Variants in KIF16B observed in about 807,000 individuals in gnomAD.
KIF16B encodes kinesin-like protein KIF16B.
A neutral mutation model predicts 156.3 loss-of-function variants in KIF16B; 98 were observed. The observed-to-expected ratio is 0.63, with a 90% CI of 0.53 to 0.74. The LOEUF (loss-of-function observed/expected upper bound fraction) is 0.74, where lower values mean the gene tolerates loss of function less well. Among genes scored for constraint, KIF16B ranks in the 30% least tolerant of loss-of-function variants. The pLI, the probability that KIF16B is intolerant of heterozygous loss-of-function variation, is 0.00. For missense variants in KIF16B, 1,421 were observed against 1,606.5 expected, an observed-to-expected ratio of 0.88 and a Z score of 1.97; for synonymous variants, 564 against 583.7, an observed-to-expected ratio of 0.97 and a Z score of 0.49.
chr20:16,393,518 G>A (rs529036914), intron 17 of KIF16B, among the ~76,000 whole-genome samples: 162 of 152,254 alleles, frequency 1.1e-3, no homozygotes, highest in Non-Finnish European at 2.0e-3. Flanking sequence ...TAAGAGTCAT[G>A]GTCTGTGATA....
At chr20:16,367,868 G>A (rs1247837595) in intron 22 of KIF16B, 1 of 1,565,400 alleles carries the variant, frequency 6.4e-7, no homozygotes, top group Non-Finnish European at 8.6e-7. Flanking sequence ...ACAGTGAGCA[G>A]AAGACCCTCT....
At chr20:16,289,568 T>C (rs949407942) in intron 25 of KIF16B, among the ~76,000 whole-genome samples, 2 of 152,196 alleles carry the variant, frequency 1.3e-5, no homozygotes, top group Admixed American at 1.3e-4. Flanking sequence ...AAGAGTTGTG[T>C]TAAGGCCGGG....
At chr20:16,514,876 A>ATTCC (rs1170057852) in intron 4 of KIF16B, among the ~76,000 whole-genome samples, 1 of 120,698 alleles carries the variant, frequency 8.3e-6, no homozygotes, top group Non-Finnish European at 1.7e-5. Context: ...ACGGAGTGAG[A>ATTCC]TTCCATCTCA....
chr20:16,513,042 AC>A, intron 4 of KIF16B, 119 bp from the exon 5 acceptor site: 1 of 676,574 alleles, frequency 1.5e-6, no homozygotes, highest in Non-Finnish European at 2.6e-6. Context: ...CCCCTGGCCT[AC>A]CACAGCCCAC....
At position 16,451,079 on chromosome 20, in the gene KIF16B, C is replaced by T. The variant is rs138872450; in HGVS notation, c.1303-21097G>A. 3.9e-5 allele frequency among the ~76,000 whole-genome samples: 6 copies of T among 152,282 alleles called. No homozygotes were observed. The East Asian group carries it at 1.2e-3, about 29-fold the overall frequency. Reference sequence around the variant, plus strand: ...CTTCCACATTATATGGAAAAATAAGCTTGTCAGCACAGACTCTGCAAGCTG... The same window carrying T: ...CTTCCACATTATATGGAAAAATAAGTTTGTCAGCACAGACTCTGCAAGCTG... On this transcript the variant is annotated intron_variant, in intron 12 of 25. Coordinates refer to ENST00000354981, the MANE Select transcript of KIF16B (RefSeq NM_024704.5).
chr20:16,468,378 C>A (rs1237692068), intron 12 of KIF16B, among the ~76,000 whole-genome samples: 2 of 151,854 alleles, frequency 1.3e-5, no homozygotes, highest in African/African-American at 2.4e-5. Flanking sequence ...TCGAGACCAG[C>A]CTGGCCAACA....
At chr20:16,538,888 C>G (rs1013502644) in intron 1 of KIF16B, among the ~76,000 whole-genome samples, 3 of 152,014 alleles carry the variant, frequency 2.0e-5, no homozygotes, top group Admixed American at 2.0e-4. Flanking sequence ...TGAGATCTGG[C>G]TGTTTAAAAG....
At chr20:16,533,771 T>C (rs888292220) in intron 1 of KIF16B, among the ~76,000 whole-genome samples, 2 of 152,062 alleles carry the variant, frequency 1.3e-5, no homozygotes, top group Non-Finnish European at 2.9e-5. Flanking sequence ...CCCTTTCTCT[T>C]CCCAGACTGT....
intron 1 of KIF16B, among the ~76,000 whole-genome samples, chr20:16,535,271 C>G (rs1156582925): frequency 6.6e-6 from 1 of 152,056 alleles, no homozygotes; most frequent in Non-Finnish European, 1.5e-5. Flanking sequence ...AATAGGATTG[C>G]CTTCTTCATT....
At chr20:16,354,558 T>C (rs535591224) in intron 23 of KIF16B, among the ~76,000 whole-genome samples, 66 of 151,590 alleles carry the variant, frequency 4.4e-4, no homozygotes, top group African/African-American at 1.5e-3. Flanking sequence ...GACCAGGAGA[T>C]AGATATTAGG....
chr20:16,455,467 A>G (rs2067188930), intron 12 of KIF16B, among the ~76,000 whole-genome samples: 2 of 152,182 alleles, frequency 1.3e-5, no homozygotes, highest in South Asian at 4.1e-4. Flanking sequence ...CCTTTCAAAC[A>G]AATACTGACA....
chr20:16,516,526 A>G (rs1237719049), intron 3 of KIF16B, among the ~76,000 whole-genome samples: 3 of 152,204 alleles, frequency 2.0e-5, no homozygotes, highest in Non-Finnish European at 4.4e-5. Context: ...CCCTGCTTCA[A>G]AAAGTAGGCA....
intron 25 of KIF16B, among the ~76,000 whole-genome samples, chr20:16,294,494 C>T (rs1334846676): frequency 6.6e-6 from 1 of 152,204 alleles, no homozygotes; most frequent in Non-Finnish European, 1.5e-5. Flanking sequence ...AGACACAGAG[C>T]ACGTGCTTCT....
At chr20:16,532,025 G>A (rs1191929084) in intron 1 of KIF16B, among the ~76,000 whole-genome samples, 1 of 144,624 alleles carries the variant, frequency 6.9e-6, no homozygotes, top group African/African-American at 2.6e-5. Context: ...CCGAGATTGT[G>A]CCATTGCACT....
intron 25 of KIF16B, among the ~76,000 whole-genome samples, chr20:16,303,235 G>A (rs1429301301): frequency 1.3e-5 from 2 of 152,188 alleles, no homozygotes; most frequent in Non-Finnish European, 2.9e-5. Flanking sequence ...TCACAGAGAA[G>A]TAACTTGTCC....
chr20:16,381,964 A>G, intron 17 of KIF16B: 1 of 809,968 alleles, frequency 1.2e-6, no homozygotes, highest in Non-Finnish European at 1.9e-6. Flanking sequence ...GCTGAAAAGA[A>G]CAGATTTTAC....
chr20:16,453,564 C>A (rs2067140268), intron 12 of KIF16B, among the ~76,000 whole-genome samples: 1 of 151,920 alleles, frequency 6.6e-6, no homozygotes, highest in African/African-American at 2.4e-5. Flanking sequence ...ATATATATTA[C>A]TGACAAAAGA....
rs768313915 is a variant in KIF16B at position 16,273,323 on chromosome 20, T to C, written c.3884A>G (p.His1295Arg). The change falls in exon 26 of 26, where the codon CAT (histidine) becomes CGT (arginine). Residue 1295 changes from histidine to arginine, a missense_variant. Physicochemically the swap from His to Arg is conservative, Grantham distance 29. Transcript: ENST00000354981. ...INKVGLTLSK[H>R]TICEFSPFFK... is the part of the protein sequence containing the mutation. ...GAATGGTGAAAACTCACAAATGGTA[T>C]GTTTCGAGAGAGTCAGTCCCACTTT... The C allele has an allele frequency of 3.7e-6, 6 of 1,613,734 alleles. No homozygotes were observed. The highest frequency in any genetic ancestry group is 5.1e-6 in the Non-Finnish European group (6 of 1,179,646).
Position 16,335,815 on chromosome 20 carries a change from C to T in KIF16B, c.3711+111G>A, listed in dbSNP as rs557767825. ...AGTAAGACTTAGTGACACTAATAAG[C>T]TAGTATCTGAAAGAGAGAGACAGAG... On this transcript the variant is annotated intron_variant, in intron 24 of 25. Coordinates refer to ENST00000354981, the MANE Select transcript of KIF16B (RefSeq NM_024704.5). The T allele has an allele frequency of 1.9e-5, 12 of 637,446 alleles. No individual in the cohort carries two copies. The South Asian group carries it at 2.5e-4, about 13-fold the overall frequency. 39.5% of individuals were successfully genotyped at this position (637,446 alleles called of 1,614,324 possible).
Sources: allele counts gnomAD v4.1 joint callset (sites outside exome capture counted in the v4.1 genomes callset), GRCh38; gene constraint gnomAD v4.1.1; transcripts MANE v1.5; gene names NCBI Gene and HGNC (gene_info 2026-07-23, HGNC 2026-07-21).